The following SLCO1B3 variants were observed in gnomAD, a reference collection of about 807,000 sequenced individuals.
The protein encoded by SLCO1B3 is solute carrier organic anion transporter family member 1B3.
SLCO1B3 carries 72 observed loss-of-function variants against 71.8 expected under a neutral mutation model. The observed-to-expected ratio is 1.00, with a 90% CI of 0.83 to 1.22. SLCO1B3 has a LOEUF of 1.22. Ranked by LOEUF, SLCO1B3 falls within the 50% of genes most tolerant of loss-of-function variation. The pLI, the probability that SLCO1B3 is intolerant of heterozygous loss-of-function variation, is 0.00. For missense variants in SLCO1B3, 911 were observed against 819.7 expected (o/e 1.11, Z -1.36); for synonymous variants, 298 against 278.4 (o/e 1.07, Z -0.70).
In SLCO1B3 at chr12:20,815,839, A is replaced by C; in HGVS notation, c.84+17A>C. On this transcript the variant is annotated intron_variant, in intron 3 of 15. Coordinates refer to ENST00000381545, the MANE Select transcript of SLCO1B3 (RefSeq NM_019844.4). ...GGATTCAAGGTAGAATGGGTTTTAT[A>C]TTTTCAAACTAAAATAAGTTAATGG... The C allele has an allele frequency of 1.6e-5, 24 of 1,510,400 alleles. No homozygotes were observed. Among genetic ancestry groups the C allele is most frequent in the Non-Finnish European group, 2.1e-5 (23 of 1,113,524 alleles). 93.6% of individuals were successfully genotyped at this position (1,510,400 alleles called of 1,614,324 possible).
At chr12:20,881,070 T>C in intron 12 of SLCO1B3, 50 bp downstream of exon 12, 2 of 1,338,718 alleles carry the variant, frequency 1.5e-6, no homozygotes, top group East Asian at 4.7e-5. Flanking sequence ...AAATCACAGA[T>C]TTGATTTAAT....
At chr12:20,837,648 C>T (rs1864711416) in intron 3 of SLCO1B3, among the ~76,000 whole-genome samples, 1 of 152,010 alleles carries the variant, frequency 6.6e-6, no homozygotes, top group Admixed American at 6.6e-5. Context: ...ATTGATTCTA[C>T]TTTAATTCTA....
intron 13 of SLCO1B3, among the ~76,000 whole-genome samples, chr12:20,897,881 G>A (rs568685102): frequency 1.3e-4 from 20 of 152,120 alleles, no homozygotes; most frequent in Non-Finnish European, 2.8e-4. Flanking sequence ...TTCCAAGTGA[G>A]GATACAAATA....
At chr12:20,892,540 G>T (rs1337507244) in intron 13 of SLCO1B3, among the ~76,000 whole-genome samples, 1 of 152,086 alleles carries the variant, frequency 6.6e-6, no homozygotes, top group East Asian at 1.9e-4. Flanking sequence ...AGTTTAACCA[G>T]GACACAGAGT....
rs1865108449 is a variant in SLCO1B3, at chr12:20,855,177, T to C, written c.226+8T>C. The C allele has an allele frequency of 1.3e-6, 2 of 1,599,350 alleles. No homozygotes were observed. The highest frequency in any genetic ancestry group is 4.5e-5 in the East Asian group (2 of 44,758). The stretch of plus-strand genomic sequence containing the variant: ...ATGGAAGCTTTGAAATTGGTAACTT[T>C]TATTTTTTCTATTTGATAACCATAC... On this transcript the variant is annotated splice_region_variant and intron_variant, in intron 4 of 15. Transcript: ENST00000381545.
At chr12:20,853,110 A>G (rs906314494) in intron 3 of SLCO1B3, among the ~76,000 whole-genome samples, 1 of 151,946 alleles carries the variant, frequency 6.6e-6, no homozygotes, top group Non-Finnish European at 1.5e-5. Flanking sequence ...CCAGGTATAT[A>G]TTTTGCTGGA....
At position 20,879,420 on chromosome 12, in the gene SLCO1B3, CTT is replaced by C; in HGVS notation, c.1136-15_1136-14del. The C allele has an allele frequency of 1.3e-6, 2 of 1,536,388 alleles. No homozygotes were observed. Among genetic ancestry groups the C allele is most frequent in the Non-Finnish European group, 1.8e-6 (2 of 1,126,304 alleles). Reference sequence around the variant, plus strand: ...ATTTGTATAATTATAGCTTTTTTCTCTTCTTTTATTTCTAGGAATCATAACCA... The same window carrying C: ...ATTTGTATAATTATAGCTTTTTTCTCCTTTTATTTCTAGGAATCATAACCA... On this transcript the variant is annotated splice_polypyrimidine_tract_variant and intron_variant, in intron 10 of 15. Transcript: ENST00000381545.
chr12:20,895,944 A>G (rs916097455), intron 13 of SLCO1B3, among the ~76,000 whole-genome samples: 1 of 152,192 alleles, frequency 6.6e-6, no homozygotes, highest in African/African-American at 2.4e-5. Context: ...CCACAGGCTC[A>G]ACACCACATG....
At chr12:20,869,823 A>G (rs6487167) in intron 8 of SLCO1B3, among the ~76,000 whole-genome samples, 110,140 of 152,034 alleles carry the variant, frequency 0.72, 42,486 homozygotes, top group South Asian at 0.9. Flanking sequence ...GTGAGATCCT[A>G]ATTTCGATTA....
At chr12:20,909,158 T>C (rs1051099312) in intron 15 of SLCO1B3, among the ~76,000 whole-genome samples, 4 of 146,710 alleles carry the variant, frequency 2.7e-5, no homozygotes, top group Admixed American at 2.0e-4. Context: ...ATGTGAAGCA[T>C]CTTTTTCTTT....
In SLCO1B3 at chr12:20,916,307, T is replaced by G; in HGVS notation, c.*60T>G. 6.6e-7 allele frequency: 1 copy of G among 1,507,470 alleles called. No homozygotes were observed. The highest frequency in any genetic ancestry group is 1.2e-5 in the South Asian group (1 of 82,234). 93.4% of individuals were successfully genotyped at this position (1,507,470 alleles called of 1,614,324 possible). A position where few individuals can be genotyped will look rare whatever the true frequency, so the allele number is the denominator to read the frequency against. On this transcript the variant is annotated 3_prime_UTR_variant, in exon 16 of 16. Transcript: ENST00000381545. ...GTGTTCCTGGTCTTTCACTGACAAT[T>G]CCAACATTCTTTACTTACAGTGGAC...
At chr12:20,844,629 T>G (rs1555153889) in intron 3 of SLCO1B3, among the ~76,000 whole-genome samples, 2 of 152,074 alleles carry the variant, frequency 1.3e-5, no homozygotes, top group Admixed American at 6.6e-5. Context: ...AGGAGCAGAT[T>G]GTTTATTTTC....
At chr12:20,861,475 G>C (rs1268362809) in intron 6 of SLCO1B3, among the ~76,000 whole-genome samples, 1 of 152,070 alleles carries the variant, frequency 6.6e-6, no homozygotes, top group East Asian at 1.9e-4. Context: ...AGTTGTCCTA[G>C]AACAAACCTC....
At chr12:20,822,288 C>G (rs760276411) in intron 3 of SLCO1B3, among the ~76,000 whole-genome samples, 6 of 151,526 alleles carry the variant, frequency 4.0e-5, no homozygotes, top group Non-Finnish European at 8.8e-5. Flanking sequence ...AAAAGAGAGT[C>G]AGTGAAGGGA....
At chr12:20,884,773 A>G (rs77368892) in intron 13 of SLCO1B3, among the ~76,000 whole-genome samples, 11 of 146,896 alleles carry the variant, frequency 7.5e-5, no homozygotes, top group African/African-American at 9.9e-5. Flanking sequence ...GACATGGTAG[A>G]AAAAAAAAAA....
intron 3 of SLCO1B3, among the ~76,000 whole-genome samples, chr12:20,847,178 A>C (rs1009817622): frequency 6.6e-6 from 1 of 151,884 alleles, no homozygotes; most frequent in Admixed American, 6.6e-5. Context: ...CCTAAGGCTG[A>C]TCCTCAGGCT....
chr12:20,875,789 AG>A (rs1865568830), intron 9 of SLCO1B3, among the ~76,000 whole-genome samples: 1 of 152,124 alleles, frequency 6.6e-6, no homozygotes. Flanking sequence ...GAGGGTTTAA[AG>A]GATTATAATT....
intron 8 of SLCO1B3, among the ~76,000 whole-genome samples, chr12:20,873,389 C>G (rs1313177927): frequency 1.3e-5 from 2 of 152,062 alleles, no homozygotes; most frequent in East Asian, 1.9e-4. Flanking sequence ...TCACTCTGCA[C>G]TAACCTAGGG....
intron 3 of SLCO1B3, among the ~76,000 whole-genome samples, chr12:20,829,302 G>C (rs1591747819): frequency 6.6e-6 from 1 of 152,208 alleles, no homozygotes; most frequent in East Asian, 1.9e-4. Flanking sequence ...CTACTGCCTA[G>C]GAATGGGGCC....
Sources: allele counts gnomAD v4.1 joint callset (sites outside exome capture counted in the v4.1 genomes callset), GRCh38; gene constraint gnomAD v4.1.1; transcripts MANE v1.5; gene names NCBI Gene and HGNC (gene_info 2026-07-23, HGNC 2026-07-21).